Variants in PCBP3 observed in about 807,000 individuals in gnomAD.
PCBP3 encodes the protein poly(rC) binding protein 3, also known as poly(rC)-binding protein 3.
Under a neutral mutation model 52.7 loss-of-function variants are expected in PCBP3, and 25 were observed. That is an observed-to-expected ratio of 0.47 (90% CI 0.35 to 0.66). The LOEUF is 0.66. PCBP3 is among the 30% of genes least tolerant of loss of function. PCBP3 has a pLI of 0.01. For synonymous variants in PCBP3, 162 were observed against 183.0 expected, an observed-to-expected ratio of 0.89 and a Z score of 0.93; for missense variants, 391 against 490.3, an observed-to-expected ratio of 0.80 and a Z score of 1.91.
At chr21:45,772,337 T>C (rs551461107) in intron 4 of PCBP3, among the ~76,000 whole-genome samples, 1 of 152,228 alleles carries the variant, frequency 6.6e-6, no homozygotes, top group Admixed American at 6.5e-5. Context: ...GTGCCTGGCT[T>C]ATTTCACTTA....
At chr21:45,923,674 G>A (rs1018571466) in intron 13 of PCBP3, among the ~76,000 whole-genome samples, 1 of 152,234 alleles carries the variant, frequency 6.6e-6, no homozygotes. Flanking sequence ...GGAATGGAGA[G>A]AGAAAATTCC....
At chr21:45,664,578 A>C (rs2080648998) in intron 1 of PCBP3, among the ~76,000 whole-genome samples, 1 of 151,682 alleles carries the variant, frequency 6.6e-6, no homozygotes, top group South Asian at 2.1e-4. Flanking sequence ...AATTTCTTTC[A>C]GAGACAAAGA....
chr21:45,732,544 G>A (rs1189513531), intron 2 of PCBP3, among the ~76,000 whole-genome samples: 1 of 149,954 alleles, frequency 6.7e-6, no homozygotes, highest in Non-Finnish European at 1.5e-5. Flanking sequence ...GACGTGCCTT[G>A]GTTTAGTTTA....
chr21:45,876,892 C>T (rs1054416669), intron 5 of PCBP3, among the ~76,000 whole-genome samples: 1 of 152,342 alleles, frequency 6.6e-6, no homozygotes, highest in African/African-American at 2.4e-5. Context: ...GCGCTCGCTG[C>T]GGCTGCGAGG....
chr21:45,731,586 A>G (rs1191111960), intron 2 of PCBP3, among the ~76,000 whole-genome samples: 1 of 152,214 alleles, frequency 6.6e-6, no homozygotes, highest in African/African-American at 2.4e-5. Flanking sequence ...TTCTTAAACA[A>G]CAACTCAAGA....
chr21:45,878,724 T>A (rs986071444), intron 5 of PCBP3, among the ~76,000 whole-genome samples: 1 of 152,170 alleles, frequency 6.6e-6, no homozygotes, highest in Non-Finnish European at 1.5e-5. Flanking sequence ...TGCATAAGAT[T>A]TAAGTGATAA....
chr21:45,855,791 G>A (rs73380693), intron 5 of PCBP3, among the ~76,000 whole-genome samples: 3,768 of 152,342 alleles, frequency 0.025, 168 homozygotes, highest in African/African-American at 0.085. Flanking sequence ...GGTGACAGGC[G>A]GGTGGAACCC....
chr21:45,702,765 A>G (rs1424961617), intron 2 of PCBP3, among the ~76,000 whole-genome samples: 1 of 152,180 alleles, frequency 6.6e-6, no homozygotes, highest in Non-Finnish European at 1.5e-5. Flanking sequence ...TTGCCACATC[A>G]ATGGACTCTT....
Position 45,735,319 on chromosome 21 carries a change from T to C in PCBP3, c.-199-73T>C, listed in dbSNP as rs1033257804. On this transcript the variant is annotated intron_variant, in intron 2 of 17. Coordinates refer to ENST00000681687, the MANE Select transcript of PCBP3 (RefSeq NM_001384156.1). The surrounding 1 kb of genome is among the most constrained non-coding windows in gnomAD (Gnocchi z 4.0). ...AAAATTTGGTATCTAAGGTGATAGA[T>C]TGTGATTTCTGTCTCTCTTTGGAAA... 3 of 152,204 alleles carry C rather than the reference T, an allele frequency of 2.0e-5. No homozygotes were observed. The highest frequency in any genetic ancestry group is 7.2e-5 in the African/African-American group (3 of 41,450). 9.4% of individuals were successfully genotyped at this position (152,204 alleles called of 1,614,324 possible). A position where few individuals can be genotyped will look rare whatever the true frequency, so the allele number is the denominator to read the frequency against.
At chr21:45,732,487 T>C (rs1341282893) in intron 2 of PCBP3, among the ~76,000 whole-genome samples, 2 of 147,490 alleles carry the variant, frequency 1.4e-5, no homozygotes, top group Admixed American at 6.8e-5. Context: ...GTTTCTTTTT[T>C]ACTGGCTGCC....
chr21:45,828,832 C>T (rs2093372999), intron 4 of PCBP3: 2 of 152,608 alleles, frequency 1.3e-5, no homozygotes, highest in Middle Eastern at 3.4e-3. Flanking sequence ...CTTCTGGTCC[C>T]TCAGGAGGCA....
intron 13 of PCBP3, among the ~76,000 whole-genome samples, chr21:45,925,788 C>T (rs575775485): frequency 2.6e-5 from 4 of 152,116 alleles, no homozygotes; most frequent in South Asian, 2.1e-4. Flanking sequence ...AAAATTTATA[C>T]GTGCCTAAAA....
At chr21:45,932,564 G>T (rs1195514632) in intron 15 of PCBP3, among the ~76,000 whole-genome samples, 1 of 152,002 alleles carries the variant, frequency 6.6e-6, no homozygotes. Flanking sequence ...CCCGGGCCAT[G>T]CTGTCCTGAG....
chr21:45,825,807 G>A (rs1187093147), intron 4 of PCBP3, among the ~76,000 whole-genome samples: 1 of 152,132 alleles, frequency 6.6e-6, no homozygotes, highest in African/African-American at 2.4e-5. Context: ...GGTTGGTGGT[G>A]GGACGTGGGG....
chr21:45,900,476 C>T (rs1045005622), intron 7 of PCBP3, 115 bp from the exon 8 acceptor site: 2 of 757,686 alleles, frequency 2.6e-6, no homozygotes, highest in African/African-American at 1.7e-5. Context: ...CCAGCACAGG[C>T]AGGAGGCTCT....
chr21:45,742,981 T>A (rs1016951520), intron 3 of PCBP3, among the ~76,000 whole-genome samples: 3 of 152,202 alleles, frequency 2.0e-5, no homozygotes, highest in Admixed American at 1.3e-4. Context: ...TTCAAATGGA[T>A]CAGATCTATA....
chr21:45,697,583 A>G (rs948601199), intron 2 of PCBP3, among the ~76,000 whole-genome samples: 1 of 151,996 alleles, frequency 6.6e-6, no homozygotes, highest in African/African-American at 2.4e-5. Flanking sequence ...CACCTCTACA[A>G]AAAATTTAAG....
At chr21:45,779,709 T>C (rs781520072) in intron 4 of PCBP3, among the ~76,000 whole-genome samples, 12 of 152,232 alleles carry the variant, frequency 7.9e-5, no homozygotes, top group Non-Finnish European at 1.5e-4. Context: ...TTGTTGAAGA[T>C]AAATACATTG....
At chr21:45,684,104 T>A (rs576604390) in intron 2 of PCBP3, among the ~76,000 whole-genome samples, 1 of 148,344 alleles carries the variant, frequency 6.7e-6, no homozygotes, top group Non-Finnish European at 1.5e-5. Flanking sequence ...GGCACATGCC[T>A]GTAGTCCCAG....
Sources: allele counts gnomAD v4.1 joint callset (sites outside exome capture counted in the v4.1 genomes callset), GRCh38; gene constraint gnomAD v4.1.1; non-coding constraint Gnocchi (gnomAD v3.1); transcripts MANE v1.5; gene names NCBI Gene and HGNC (gene_info 2026-07-23, HGNC 2026-07-21).